The following PHLPP2 variants were observed in gnomAD, a reference collection of about 807,000 sequenced individuals.
PHLPP2 encodes PH domain leucine-rich repeat-containing protein phosphatase 2.
In PHLPP2, 66 loss-of-function variants were observed where a neutral mutation model predicts 124.9. The ratio of observed to expected loss-of-function variants is 0.53; its 90% CI spans 0.43 to 0.65. The LOEUF is 0.65. PHLPP2 is among the 30% of genes least tolerant of loss of function. PHLPP2 has a pLI of 0.00. For synonymous variants in PHLPP2, 681 were observed against 624.7 expected, an observed-to-expected ratio of 1.09 and a Z score of -1.34; for missense variants, 1,685 against 1,600.4, an observed-to-expected ratio of 1.05 and a Z score of -0.90.
In PHLPP2 at chr16:71,714,594, T is replaced by C. The variant is rs1319287944; in HGVS notation, c.202A>G (p.Thr68Ala). 4 of 1,614,082 alleles carry C rather than the reference T, an allele frequency of 2.5e-6. No individual in the cohort carries two copies. In the South Asian group the frequency reaches 4.4e-5, roughly 18 times the overall value. The change falls in exon 2 of 19, where the codon ACT (threonine) becomes GCT (alanine). Residue 68 changes from threonine (T) to alanine (A), a missense_variant. Coordinates refer to ENST00000568954, the MANE Select transcript of PHLPP2 (RefSeq NM_015020.3). ...SSSDLHLVLCTVETPASEICA... is the reference protein window; with the variant it reads ...SSSDLHLVLCAVETPASEICA... ...ATTTCTGATGCTGGTGTCTCTACAG[T>C]GCAAAGGACGAGATGTAAGTCAGAG...
chr16:71,649,854 A>T lies in PHLPP2; in HGVS notation c.3008T>A (p.Val1003Glu). 1 of 1,614,238 alleles carries T rather than the reference A, an allele frequency of 6.2e-7. No individual in the cohort carries two copies. Among genetic ancestry groups the T allele is most frequent in the South Asian group, 1.1e-5 (1 of 91,090 alleles). The stretch of plus-strand genomic sequence containing the variant: ...CTTAGCAGCTGCTAATGGGTCTTGT[A>T]CGTGACGTACAGCATTGACAGCTTC... Reference protein sequence around the residue: ...YTEAVNAVRHVQDPLAAAKKL... With the variant: ...YTEAVNAVRHEQDPLAAAKKL... Residue 1003 changes from valine (V) to glutamate (E), a missense_variant, in exon 19 of 19, where the codon GTA becomes GAA. Transcript: ENST00000568954.
Position 71,645,031 on chromosome 16 carries a change from G to A in PHLPP2, c.*3859C>T. On this transcript the variant is annotated 3_prime_UTR_variant, in exon 19 of 19. Transcript: ENST00000568954. Reference sequence around the variant, plus strand: ...GCAACATGCTCTGGCTCATATTATTGAATTAAAAAATTTAACACATTTCAA... The same window carrying A: ...GCAACATGCTCTGGCTCATATTATTAAATTAAAAAATTTAACACATTTCAA... The A allele has an allele frequency of 3.8e-6, 1 of 260,880 alleles. No individual in the cohort carries two copies. Among genetic ancestry groups the A allele is most frequent in the East Asian group, 1.1e-4 (1 of 8,706 alleles). 16.2% of individuals were successfully genotyped at this position (260,880 alleles called of 1,614,324 possible).
At chr16:71,670,695 A>AACACACACACAC (rs71153651) in intron 10 of PHLPP2, among the ~76,000 whole-genome samples, 5,158 of 128,984 alleles carry the variant, frequency 0.04, 378 homozygotes, top group African/African-American at 0.14. Flanking sequence ...AGAGGCTGAA[A>AACACACACACAC]ACACACACAC....
At position 71,649,296 on chromosome 16, in the gene PHLPP2, G is replaced by T; in HGVS notation, c.3566C>A (p.Ser1189Tyr). The change falls in exon 19 of 19, where the codon TCT becomes TAT. Residue 1189 changes from serine to tyrosine, a missense_variant. By Grantham distance (144) the Ser-to-Tyr change is moderately radical. Transcript: ENST00000568954. ...LENSPPLIES[S>Y]PTLCSEEHAR... ...ATGTTCCTCAGAACACAGGGTAGGA[G>T]AACTCTCTATGAGAGGGGGTGAGTT... is the stretch of plus-strand genomic sequence containing the variant. 1 of 1,614,018 alleles carries T rather than the reference G, an allele frequency of 6.2e-7. No individual in the cohort carries two copies. Among genetic ancestry groups the T allele is most frequent in the Middle Eastern group, 1.6e-4 (1 of 6,062 alleles).
intron 4 of PHLPP2, among the ~76,000 whole-genome samples, chr16:71,688,751 T>C (rs2045078389): frequency 6.6e-6 from 1 of 152,072 alleles, no homozygotes; most frequent in Admixed American, 6.6e-5. Flanking sequence ...TCTTTCCCTC[T>C]CAAGCAACTC....
At chr16:71,723,759 G>T in intron 1 of PHLPP2, 1 of 1,287,530 alleles carries the variant, frequency 7.8e-7, no homozygotes, top group Non-Finnish European at 1.0e-6. Flanking sequence ...TGGTCCATCC[G>T]CCTCCTCACC....
intron 9 of PHLPP2, among the ~76,000 whole-genome samples, chr16:71,672,865 G>A (rs528893685): frequency 3.3e-5 from 5 of 152,148 alleles, no homozygotes; most frequent in South Asian, 2.1e-4. Flanking sequence ...ATATGCATGC[G>A]GTATGTATAA....
intron 4 of PHLPP2, among the ~76,000 whole-genome samples, chr16:71,685,876 A>G (rs1032021986): frequency 1.3e-5 from 2 of 152,252 alleles, no homozygotes; most frequent in African/African-American, 4.8e-5. Flanking sequence ...TTATATTGTT[A>G]CATATATATA....
chr16:71,650,793 C>T (rs909121561), intron 18 of PHLPP2, among the ~76,000 whole-genome samples: 1 of 152,200 alleles, frequency 6.6e-6, no homozygotes, highest in Non-Finnish European at 1.5e-5. Flanking sequence ...AAGACCTGAG[C>T]TTATTCGCCA....
chr16:71,704,224 T>C (rs2045256554), intron 2 of PHLPP2, among the ~76,000 whole-genome samples: 1 of 145,914 alleles, frequency 6.9e-6, no homozygotes, highest in Admixed American at 7.1e-5. Context: ...GGCAGGAGAA[T>C]GGCATGAACC....
At position 71,658,696 on chromosome 16, in the gene PHLPP2, T is replaced by A. The variant is rs145938775; in HGVS notation, c.2105A>T (p.Asn702Ile). ...CAGTATTTCTGGGAAAATGCTGATG[T>A]TGTTGGAGTGTGCAACAAGGGTGTG... is the stretch of plus-strand genomic sequence containing the variant. The part of the protein sequence containing the change: ...RLHTLVAHSN[N>I]ISIFPEILQL... Residue 702 changes from asparagine to isoleucine, a missense_variant, in exon 14 of 19, where the codon AAC becomes ATC. Asn to Ile is a moderately radical substitution (Grantham distance 149). Transcript: ENST00000568954. 5.0e-6 allele frequency: 8 copies of A among 1,614,030 alleles called. No homozygotes were observed. Among genetic ancestry groups the A allele is most frequent in the Admixed American group, 1.7e-5 (1 of 60,000 alleles).
intron 3 of PHLPP2, 35 bp from the exon 4 acceptor site, chr16:71,690,744 A>G (rs779266084): frequency 5.0e-6 from 7 of 1,399,418 alleles, no homozygotes; most frequent in South Asian, 1.2e-5. Flanking sequence ...ATCCACCATT[A>G]AAGTAGTGTA....
At chr16:71,653,240 A>G (rs955643111) in intron 17 of PHLPP2, among the ~76,000 whole-genome samples, 1 of 151,266 alleles carries the variant, frequency 6.6e-6, no homozygotes, top group African/African-American at 2.4e-5. Context: ...TACAAAAGGG[A>G]GATAATCTCC....
In PHLPP2 at chr16:71,655,342, G is replaced by T. The variant is rs768704285; in HGVS notation, c.2483C>A (p.Pro828Gln). 20 of 1,613,680 alleles carry T rather than the reference G, an allele frequency of 1.2e-5. No homozygotes were observed. Among genetic ancestry groups the T allele is most frequent in the Non-Finnish European group, 1.6e-5 (19 of 1,179,626 alleles). The change falls in exon 17 of 19, where the codon CCG becomes CAG. Residue 828 changes from proline to glutamine, a missense_variant. Transcript: ENST00000568954. ...TGCCATCGTACACTGCAGCAGGCGC[G>T]GGAGCTCCTCATTTCGGTCTCCATC... ...MFDGDRNEEL[P>Q]RLLQCTMADV...
intron 10 of PHLPP2, 136 bp from the exon 11 acceptor site, chr16:71,669,506 C>A: frequency 4.8e-6 from 3 of 621,966 alleles, no homozygotes; most frequent in Admixed American, 2.7e-5. Flanking sequence ...TCCCTTGGAA[C>A]ACTGCCTGGA....
At chr16:71,698,649 T>C in intron 3 of PHLPP2, 4 of 582,772 alleles carry the variant, frequency 6.9e-6, no homozygotes, top group Non-Finnish European at 1.3e-5. Flanking sequence ...GGGCAGCCAT[T>C]GTACACTGGG....
chr16:71,690,736 C>G, intron 3 of PHLPP2, 27 bp from the exon 4 acceptor site: 1 of 1,499,892 alleles, frequency 6.7e-7, no homozygotes, highest in Non-Finnish European at 9.2e-7. Context: ...ACTTCAGAAT[C>G]CACCATTAAA....
chr16:71,653,628 T>C (rs898226968), intron 17 of PHLPP2, among the ~76,000 whole-genome samples: 2 of 152,218 alleles, frequency 1.3e-5, no homozygotes, highest in African/African-American at 2.4e-5. Context: ...ATCTCAGCTC[T>C]GCCATTTTCT....
chr16:71,699,590 T>C (rs1026693563), intron 3 of PHLPP2, among the ~76,000 whole-genome samples: 3 of 152,212 alleles, frequency 2.0e-5, no homozygotes, highest in African/African-American at 7.2e-5. Flanking sequence ...TTTGTCCACA[T>C]GACCTCATGC....
Sources: allele counts gnomAD v4.1 joint callset (sites outside exome capture counted in the v4.1 genomes callset), GRCh38; gene constraint gnomAD v4.1.1; transcripts MANE v1.5; gene names NCBI Gene and HGNC (gene_info 2026-07-23, HGNC 2026-07-21).